Variants in KAZN observed in about 807,000 individuals in gnomAD.
KAZN encodes the protein kazrin, periplakin interacting protein, also known as kazrin.
KAZN carries 40 observed loss-of-function variants against 87.4 expected under a neutral mutation model. That is an observed-to-expected ratio of 0.46 (90% CI 0.36 to 0.60). The LOEUF is 0.60. KAZN is among the 20% of genes least tolerant of loss of function. KAZN has a pLI of 0.00. For missense variants in KAZN, 898 were observed against 1,073.9 expected (o/e 0.84, Z 2.29); for synonymous variants, 466 against 458.3 (o/e 1.02, Z -0.22).
chr1:15,088,533 C>T (rs908908536), intron 8 of KAZN, among the ~76,000 whole-genome samples: 1 of 152,184 alleles, frequency 6.6e-6, no homozygotes, highest in Non-Finnish European at 1.5e-5. Context: ...AGCCAGCACC[C>T]GCGACTCGGC....
chr1:15,100,637 G>A (rs1039115686), intron 10 of KAZN, among the ~76,000 whole-genome samples: 5 of 152,204 alleles, frequency 3.3e-5, no homozygotes, highest in South Asian at 2.1e-4. Context: ...TGCTGTATAC[G>A]TGGTACAGGG....
chr1:14,474,309 A>C (rs1273809306), intron 2 of KAZN, among the ~76,000 whole-genome samples: 5 of 152,234 alleles, frequency 3.3e-5, no homozygotes, highest in Non-Finnish European at 1.5e-5. Flanking sequence ...TACTTTAAAA[A>C]AAAAAGTAGA....
intron 2 of KAZN, among the ~76,000 whole-genome samples, chr1:14,243,315 C>T (rs534645136): frequency 6.6e-6 from 1 of 152,136 alleles, no homozygotes. Flanking sequence ...GGTTTCTAGT[C>T]GGGCCCTACC....
Position 14,662,964 on chromosome 1 carries a change from C to CATAT in KAZN, c.226+63756_226+63759dup, listed in dbSNP as rs141562526. ...ATGTAAATATATATATATATGCACA[C>CATAT]ATATATATATATATATATTTTAGAG... On this transcript the variant is annotated intron_variant, in intron 1 of 14. Coordinates refer to ENST00000376030, the MANE Select transcript of KAZN (RefSeq NM_201628.3). Among the ~76,000 whole-genome samples, 770 of 127,958 alleles carry CATAT rather than the reference C, an allele frequency of 6.0e-3. 13 individuals are homozygous for CATAT. Among genetic ancestry groups the CATAT allele is most frequent in the East Asian group, 0.029 (128 of 4,392 alleles). The allele number at this position is 127,958 out of a possible 152,430, so 83.9% of individuals were successfully genotyped here.
At chr1:14,044,633 C>T (rs1487575173) in intron 1 of KAZN, among the ~76,000 whole-genome samples, 1 of 151,862 alleles carries the variant, frequency 6.6e-6, no homozygotes, top group East Asian at 1.9e-4. Context: ...ATGAGATAAA[C>T]CAGGCAATTT....
chr1:14,614,077 T>A (rs967219972), intron 1 of KAZN, among the ~76,000 whole-genome samples: 10 of 152,190 alleles, frequency 6.6e-5, no homozygotes, highest in Non-Finnish European at 1.3e-4. Flanking sequence ...GGGAATACGA[T>A]GCAATTGGCC....
chr1:14,558,247 A>T (rs1260935398), intron 2 of KAZN, among the ~76,000 whole-genome samples: 1 of 152,228 alleles, frequency 6.6e-6, no homozygotes, highest in Non-Finnish European at 1.5e-5. Context: ...CTATTTGATC[A>T]TCTTGTTACA....
rs1011569915 is a variant in KAZN, at chr1:14,735,108, G to T, written c.226+135885G>T. Among the ~76,000 whole-genome samples the T allele has an allele frequency of 5.9e-5, 9 of 152,120 alleles. No individual in the cohort carries two copies. The highest frequency in any genetic ancestry group is 6.5e-5 in the Admixed American group (1 of 15,278). Reference sequence around the variant, plus strand: ...GGAGTCTCGCTCTTTCGCCCAGGCCGGACTGTAGTGGCGCTATCTCGGCTC... The same window carrying T: ...GGAGTCTCGCTCTTTCGCCCAGGCCTGACTGTAGTGGCGCTATCTCGGCTC... On this transcript the variant is annotated intron_variant, in intron 1 of 14. Coordinates refer to ENST00000376030, the MANE Select transcript of KAZN (RefSeq NM_201628.3). The surrounding 1 kb of genome is among the most constrained non-coding windows in gnomAD (Gnocchi z 4.3).
chr1:14,608,110 A>C (rs1677512071), intron 1 of KAZN, among the ~76,000 whole-genome samples: 2 of 152,242 alleles, frequency 1.3e-5, no homozygotes, highest in Non-Finnish European at 2.9e-5. Flanking sequence ...ACTGACCCTG[A>C]AATCTGCTCG....
At chr1:14,177,981 A>G (rs1463636833) in intron 1 of KAZN, among the ~76,000 whole-genome samples, 2 of 152,142 alleles carry the variant, frequency 1.3e-5, no homozygotes, top group African/African-American at 2.4e-5. Context: ...TGTAGTTTCC[A>G]TAATCTCCAC....
In KAZN at chr1:14,820,208, G is replaced by A. The variant is rs1439318854; in HGVS notation, c.227-140476G>A. 6.6e-6 allele frequency among the ~76,000 whole-genome samples: 1 copy of A among 152,208 alleles called. No individual in the cohort carries two copies. Among genetic ancestry groups the A allele is most frequent in the Non-Finnish European group, 1.5e-5 (1 of 68,040 alleles). On this transcript the variant is annotated intron_variant, in intron 1 of 14. Transcript: ENST00000376030. The surrounding 1 kb of genome is among the most constrained non-coding windows in gnomAD (Gnocchi z 4.1). ...TCACATTCTGTGACGTTCACACAGA[G>A]GGGCTGGTGCTGCTGGTCAAAGATC...
intron 2 of KAZN, among the ~76,000 whole-genome samples, chr1:14,365,363 CGGGGTGG>C (rs138353098): frequency 0.097 from 8,783 of 90,174 alleles, 487 homozygotes; most frequent in East Asian, 0.14. Flanking sequence ...CCCCTCCCCC[CGGGGTGG>C]GGGGGGGGGG....
chr1:14,257,715 T>G (rs1263747881), intron 2 of KAZN, among the ~76,000 whole-genome samples: 2 of 146,074 alleles, frequency 1.4e-5, no homozygotes, highest in Admixed American at 1.4e-4. Context: ...CAGCACCATA[T>G]TCTCACTCAT....
At chr1:14,132,256 C>G (rs375309009) in intron 1 of KAZN, among the ~76,000 whole-genome samples, 1 of 152,152 alleles carries the variant, frequency 6.6e-6, no homozygotes. Flanking sequence ...CACCTCCCCA[C>G]TCTGGGCTGA....
In KAZN at chr1:14,942,311, C is replaced by T. The variant is rs148607806; in HGVS notation, c.227-18373C>T. Among the ~76,000 whole-genome samples the T allele has an allele frequency of 3.9e-5, 6 of 152,120 alleles. No homozygotes were observed. The East Asian group carries it at 1.2e-3, about 29-fold the overall frequency. On this transcript the variant is annotated intron_variant, in intron 1 of 14. Transcript: ENST00000376030. ...TCGGGAAAGAGGAAACGTCCCCAGA[C>T]GTTCCAGGGATATATATGGTTTGAG... is the stretch of plus-strand genomic sequence containing the variant.
chr1:14,564,509 G>A (rs959299458), intron 2 of KAZN, among the ~76,000 whole-genome samples: 37 of 152,156 alleles, frequency 2.4e-4, no homozygotes, highest in African/African-American at 8.9e-4. Context: ...ATGGGTGAAT[G>A]TATGTTAAAT....
At position 14,128,810 on chromosome 1, in the gene KAZN, G is replaced by C. The variant is rs372413822; in HGVS notation, c.92-51625G>C. Reference sequence around the variant, plus strand: ...AGAGCTGAGACTGGAAGCCACCCCAGAATAGATGTCACACATTAACCATAG... The same window carrying C: ...AGAGCTGAGACTGGAAGCCACCCCACAATAGATGTCACACATTAACCATAG... On this transcript the variant is annotated intron_variant, in intron 1 of 16. Transcript: ENST00000636203. Among the ~76,000 whole-genome samples the C allele has an allele frequency of 6.6e-5, 10 of 152,210 alleles. No individual in the cohort carries two copies. The South Asian group carries it at 8.3e-4, about 13-fold the overall frequency.
intron 2 of KAZN, among the ~76,000 whole-genome samples, chr1:14,302,520 G>A (rs1455076579): frequency 6.6e-6 from 1 of 152,204 alleles, no homozygotes; most frequent in Non-Finnish European, 1.5e-5. Context: ...TTGAGTGGAT[G>A]AAATTGTCTA....
At chr1:14,341,150 C>T (rs1309035418) in intron 2 of KAZN, among the ~76,000 whole-genome samples, 1 of 8,566 alleles carries the variant, frequency 1.2e-4, no homozygotes, top group Non-Finnish European at 1.9e-4. Flanking sequence ...GCCTTGGCCT[C>T]CCAAAGTGTT....
Sources: allele counts gnomAD v4.1 joint callset (sites outside exome capture counted in the v4.1 genomes callset), GRCh38; gene constraint gnomAD v4.1.1; non-coding constraint Gnocchi (gnomAD v3.1); transcripts MANE v1.5; gene names NCBI Gene and HGNC (gene_info 2026-07-23, HGNC 2026-07-21).